The following LRRC7 variants were observed in gnomAD, a reference collection of about 807,000 sequenced individuals.
LRRC7 encodes the protein leucine-rich repeat-containing protein 7.
In LRRC7, 23 loss-of-function variants were observed where a neutral mutation model predicts 175.7. The ratio of observed to expected loss-of-function variants is 0.13; its 90% CI spans 0.09 to 0.19. The LOEUF is 0.19. Among genes scored for constraint, LRRC7 ranks in the 10% least tolerant of loss-of-function variants. The probability of loss-of-function intolerance (pLI) is 1.00; values close to 1 mark genes in which losing one functional copy is unlikely to be tolerated. For missense variants in LRRC7, 1,354 were observed against 1,904.7 expected (o/e 0.71, Z 5.38); for synonymous variants, 685 against 680.9 (o/e 1.01, Z -0.09).
At chr1:69,825,868 A>G in intron 5 of LRRC7, 42 bp downstream of exon 5, 2 of 1,294,360 alleles carry the variant, frequency 1.5e-6, no homozygotes, top group Admixed American at 1.9e-5. Context: ...TTATATTTCC[A>G]TTGTATAATA....
At chr1:69,977,522 A>G (rs1652946594) in intron 8 of LRRC7, among the ~76,000 whole-genome samples, 1 of 152,190 alleles carries the variant, frequency 6.6e-6, no homozygotes, top group Non-Finnish European at 1.5e-5. Flanking sequence ...CATTCTTCTC[A>G]TTCTTTTTTT....
intron 3 of LRRC7, among the ~76,000 whole-genome samples, chr1:69,764,715 A>T (rs1191715219): frequency 6.7e-6 from 1 of 148,920 alleles, no homozygotes; most frequent in Non-Finnish European, 1.5e-5. Context: ...ATAGATAGGT[A>T]GGTAGATAGA....
At position 70,131,105 on chromosome 1, in the gene LRRC7, G is replaced by A. The variant is rs1367451500; in HGVS notation, c.*9218G>A. 1.3e-5 allele frequency among the ~76,000 whole-genome samples: 2 copies of A among 152,112 alleles called. No individual in the cohort carries two copies. Among genetic ancestry groups the A allele is most frequent in the African/African-American group, 4.8e-5 (2 of 41,404 alleles). The stretch of plus-strand genomic sequence containing the variant: ...TATAATTGATATGATTAACTATTTA[G>A]ATAGAGCACAGAAAAAAAATCAGGG... On this transcript the variant is annotated 3_prime_UTR_variant, in exon 27 of 27. Coordinates refer to ENST00000651989, the MANE Select transcript of LRRC7 (RefSeq NM_001370785.2).
At chr1:69,689,013 C>T (rs1040513149) in intron 2 of LRRC7, among the ~76,000 whole-genome samples, 1 of 152,142 alleles carries the variant, frequency 6.6e-6, no homozygotes, top group Non-Finnish European at 1.5e-5. Context: ...TATCAGGAAT[C>T]AGGGCACTAA....
At chr1:69,969,058 T>C (rs768455016) in intron 8 of LRRC7, among the ~76,000 whole-genome samples, 8 of 152,062 alleles carry the variant, frequency 5.3e-5, no homozygotes, top group Non-Finnish European at 1.2e-4. Flanking sequence ...GACCTCGTGA[T>C]CTGCCCACCT....
At chr1:70,067,891 T>C (rs919101345) in intron 23 of LRRC7, among the ~76,000 whole-genome samples, 5 of 152,144 alleles carry the variant, frequency 3.3e-5, no homozygotes, top group African/African-American at 9.7e-5. Context: ...TGGTATTGCA[T>C]TTTAAATTTT....
chr1:69,782,199 C>A (rs1238511724), intron 3 of LRRC7, among the ~76,000 whole-genome samples: 1 of 152,200 alleles, frequency 6.6e-6, no homozygotes, highest in Non-Finnish European at 1.5e-5. Flanking sequence ...TGGTGACTAT[C>A]TTGCTATTAT....
At chr1:69,940,319 C>A (rs544322089) in intron 8 of LRRC7, among the ~76,000 whole-genome samples, 2 of 152,234 alleles carry the variant, frequency 1.3e-5, no homozygotes, top group African/African-American at 4.8e-5. Context: ...AATAAATCAT[C>A]TTTGCTTCTG....
chr1:69,717,757 TGAAAAAAAGAAAAAAAGAAA>T (rs1259133727), intron 2 of LRRC7, among the ~76,000 whole-genome samples: 1,541 of 63,466 alleles, frequency 0.024, 379 homozygotes, highest in Middle Eastern at 0.065. Flanking sequence ...TATTGGAACA[TGAAAAAAAGAAAAAAAGAAA>T]GAAAGAAAGA....
At position 69,878,289 on chromosome 1, in the gene LRRC7, AAAC is replaced by A. The variant is rs1346579606; in HGVS notation, c.647+40009_647+40011del. Among the ~76,000 whole-genome samples the A allele has an allele frequency of 4.0e-3, 600 of 151,726 alleles. 3 individuals carry two copies. The highest frequency in any genetic ancestry group is 0.013 in the African/African-American group (530 of 41,220). On this transcript the variant is annotated intron_variant, in intron 7 of 26. Coordinates refer to ENST00000651989, the MANE Select transcript of LRRC7 (RefSeq NM_001370785.2). ...ATCCTTATCTTAGAAAAAAAAAAAAAAACAAGAATGCTCTTAAATAGTGACAGA... is the reference window on the plus strand; with the variant it reads ...ATCCTTATCTTAGAAAAAAAAAAAAAAAGAATGCTCTTAAATAGTGACAGA...
chr1:70,062,066 C>T (rs1661621141), intron 23 of LRRC7, among the ~76,000 whole-genome samples: 1 of 152,224 alleles, frequency 6.6e-6, no homozygotes, highest in East Asian at 1.9e-4. Flanking sequence ...CATTGTCAGG[C>T]ACCTACCAAA....
intron 2 of LRRC7, among the ~76,000 whole-genome samples, chr1:69,759,750 C>G (rs779955034): frequency 6.6e-6 from 1 of 151,978 alleles, no homozygotes; most frequent in Non-Finnish European, 1.5e-5. Flanking sequence ...GGGATTGAAA[C>G]ATGAATATTT....
chr1:70,096,724 C>T (rs1444214923), intron 25 of LRRC7, among the ~76,000 whole-genome samples: 2 of 151,988 alleles, frequency 1.3e-5, no homozygotes, highest in African/African-American at 4.8e-5. Context: ...AAAAAAAAGA[C>T]CCATGATATG....
chr1:69,673,062 A>G (rs971660439), intron 1 of LRRC7, among the ~76,000 whole-genome samples: 1 of 152,210 alleles, frequency 6.6e-6, no homozygotes, highest in Non-Finnish European at 1.5e-5. Context: ...TGTCTTCCCT[A>G]CAATTCCAAG....
intron 4 of LRRC7, among the ~76,000 whole-genome samples, chr1:69,814,851 A>T (rs1678394600): frequency 6.6e-6 from 1 of 152,104 alleles, no homozygotes; most frequent in Non-Finnish European, 1.5e-5. Flanking sequence ...CATAAACTCC[A>T]TCGACTCAAT....
intron 22 of LRRC7, 119 bp from the exon 23 acceptor site, chr1:70,052,907 G>T (rs1660853542): frequency 1.0e-6 from 1 of 997,244 alleles, no homozygotes. Context: ...AGTTCAGGAT[G>T]TATGTTTTTC....
chr1:69,821,188 T>C lies in LRRC7; in HGVS notation c.422-4560T>C, dbSNP rs549069783. ...TTAAATAAGTGTTATGTACTTTCTC[T>C]TCTTATTCTGGGTTTTCTATAATCC... On this transcript the variant is annotated intron_variant, in intron 4 of 26. Coordinates refer to ENST00000651989, the MANE Select transcript of LRRC7 (RefSeq NM_001370785.2). Among the ~76,000 whole-genome samples, 8 of 152,320 alleles carry C rather than the reference T, an allele frequency of 5.3e-5. No individual in the cohort carries two copies. In the South Asian group the frequency reaches 8.3e-4, roughly 16 times the overall value.
At chr1:69,942,529 G>A (rs1266562829) in intron 8 of LRRC7, among the ~76,000 whole-genome samples, 1 of 151,922 alleles carries the variant, frequency 6.6e-6, no homozygotes, top group African/African-American at 2.4e-5. Flanking sequence ...GGTCTCATCA[G>A]GGCTGCACTC....
At chr1:69,618,477 A>G (rs1473828935) in intron 1 of LRRC7, among the ~76,000 whole-genome samples, 1 of 152,178 alleles carries the variant, frequency 6.6e-6, no homozygotes, top group Non-Finnish European at 1.5e-5. Flanking sequence ...GCCATCAGAC[A>G]TAGTTGGAGA....
Sources: gnomAD v4.1 joint callset for allele counts (sites outside exome capture counted in the v4.1 genomes callset) on GRCh38, gnomAD v4.1.1 for gene constraint, MANE v1.5 for transcripts, NCBI Gene and HGNC (gene_info 2026-07-23, HGNC 2026-07-21) for gene names.